SORCS2: variants seen among roughly 807,000 people sequenced by gnomAD.
SORCS2 encodes VPS10 domain-containing receptor SorCS2.
Under a neutral mutation model 141.6 loss-of-function variants are expected in SORCS2, and 100 were observed. The observed-to-expected ratio is 0.71, with a 90% CI of 0.60 to 0.83. The LOEUF is 0.83. SORCS2 is among the 40% of genes least tolerant of loss of function. SORCS2 has a pLI of 0.00. For synonymous variants in SORCS2, 789 were observed against 676.9 expected, an observed-to-expected ratio of 1.17 and a Z score of -2.57; for missense variants, 1,646 against 1,560.2, an observed-to-expected ratio of 1.05 and a Z score of -0.93.
At chr4:7,387,699 C>T (rs889101692) in intron 1 of SORCS2, among the ~76,000 whole-genome samples, 19 of 127,518 alleles carry the variant, frequency 1.5e-4, no homozygotes, top group Middle Eastern at 4.4e-3. Flanking sequence ...GAGATACACA[C>T]GCACATGCAC....
intron 1 of SORCS2, among the ~76,000 whole-genome samples, chr4:7,209,008 T>A (rs1180364097): frequency 1.3e-5 from 2 of 152,164 alleles, no homozygotes; most frequent in Non-Finnish European, 2.9e-5. Flanking sequence ...GGACCACACT[T>A]CTGCCCTCCA....
chr4:7,314,031 A>G (rs1015524673), intron 1 of SORCS2, among the ~76,000 whole-genome samples: 1 of 152,184 alleles, frequency 6.6e-6, no homozygotes, highest in Non-Finnish European at 1.5e-5. Flanking sequence ...TGTCCAGGAA[A>G]CTTCCAGAAA....
At chr4:7,717,561 G>A (rs759530790) in intron 17 of SORCS2, among the ~76,000 whole-genome samples, 6 of 152,188 alleles carry the variant, frequency 3.9e-5, no homozygotes, top group Non-Finnish European at 7.3e-5. Context: ...CAGGAGGAGG[G>A]GTGTGTGTGC....
intron 1 of SORCS2, among the ~76,000 whole-genome samples, chr4:7,372,724 G>C (rs1347396554): frequency 6.6e-6 from 1 of 151,990 alleles, no homozygotes; most frequent in African/African-American, 2.4e-5. Context: ...AAGTTCCCCT[G>C]TGCCCTTTGT....
intron 9 of SORCS2, among the ~76,000 whole-genome samples, chr4:7,681,606 T>C (rs893750925): frequency 9.8e-5 from 15 of 152,358 alleles, no homozygotes; most frequent in African/African-American, 3.4e-4. Flanking sequence ...TACGTGTGTG[T>C]TGTCTGAAGC....
At chr4:7,509,579 A>C (rs79153094) in intron 2 of SORCS2, among the ~76,000 whole-genome samples, 14,660 of 152,186 alleles carry the variant, frequency 0.096, 1,010 homozygotes, top group African/African-American at 0.2. Context: ...CATCATCCCC[A>C]TTTTCCAGAT....
intron 1 of SORCS2, among the ~76,000 whole-genome samples, chr4:7,274,197 C>T (rs1715324290): frequency 6.6e-6 from 1 of 152,240 alleles, no homozygotes; most frequent in Non-Finnish European, 1.5e-5. Flanking sequence ...GACTGGGAAC[C>T]CCTTTCCCCA....
At chr4:7,326,322 G>A (rs536252077) in intron 1 of SORCS2, among the ~76,000 whole-genome samples, 7 of 152,016 alleles carry the variant, frequency 4.6e-5, no homozygotes, top group Non-Finnish European at 8.8e-5. Context: ...GTGTGACCCT[G>A]GCATCGGGTG....
chr4:7,654,934 C>T (rs561972240), intron 5 of SORCS2, among the ~76,000 whole-genome samples: 2 of 152,260 alleles, frequency 1.3e-5, no homozygotes, highest in African/African-American at 4.8e-5. Flanking sequence ...CTCAGTGTGC[C>T]CCCTGAGCAC....
intron 2 of SORCS2, chr4:7,433,774 C>G: frequency 5.0e-6 from 8 of 1,613,482 alleles, no homozygotes; most frequent in Non-Finnish European, 5.9e-6. Context: ...GGCCCGCCTC[C>G]GGTTGCCACA....
At chr4:7,588,806 C>T (rs1340211938) in intron 3 of SORCS2, among the ~76,000 whole-genome samples, 7 of 152,208 alleles carry the variant, frequency 4.6e-5, no homozygotes, top group Admixed American at 1.3e-4. Context: ...AGTGAATGCT[C>T]ACATCATGGT....
intron 8 of SORCS2, 125 bp from the exon 9 acceptor site, chr4:7,675,925 G>A: frequency 8.9e-7 from 1 of 1,120,848 alleles, no homozygotes; most frequent in Non-Finnish European, 1.3e-6. Flanking sequence ...GGCAAACCTA[G>A]GCCAGGCTGG....
chr4:7,425,780 C>T (rs1286560711), intron 2 of SORCS2, among the ~76,000 whole-genome samples: 2 of 152,196 alleles, frequency 1.3e-5, no homozygotes, highest in Non-Finnish European at 2.9e-5. Flanking sequence ...AGCCTGGGGT[C>T]CCCACCTCGC....
chr4:7,605,265 C>T (rs1245244117), intron 3 of SORCS2, among the ~76,000 whole-genome samples: 1 of 152,226 alleles, frequency 6.6e-6, no homozygotes, highest in Non-Finnish European at 1.5e-5. Context: ...GTTTTGAGGA[C>T]ACTTCTCAGG....
At chr4:7,325,867 A>T (rs1719221558) in intron 1 of SORCS2, among the ~76,000 whole-genome samples, 1 of 152,120 alleles carries the variant, frequency 6.6e-6, no homozygotes, top group Non-Finnish European at 1.5e-5. Context: ...AGGCAGTGAT[A>T]ACCCAGCGGG....
At chr4:7,362,525 T>C (rs1721638356) in intron 1 of SORCS2, among the ~76,000 whole-genome samples, 1 of 152,158 alleles carries the variant, frequency 6.6e-6, no homozygotes, top group Non-Finnish European at 1.5e-5. Context: ...CATCTGGCCA[T>C]TGGACCAGTG....
chr4:7,202,713 G>T (rs1727543599), intron 1 of SORCS2, among the ~76,000 whole-genome samples: 1 of 152,138 alleles, frequency 6.6e-6, no homozygotes, highest in Non-Finnish European at 1.5e-5. Flanking sequence ...AATTCAGAAA[G>T]AATTCTTTAT....
chr4:7,466,320 G>A (rs568712636), intron 2 of SORCS2, among the ~76,000 whole-genome samples: 34 of 152,238 alleles, frequency 2.2e-4, no homozygotes, highest in Admixed American at 7.2e-4. Context: ...AGAGGCTGGC[G>A]GGATTCCACG....
At chr4:7,299,452 G>A (rs16839963) in intron 1 of SORCS2, among the ~76,000 whole-genome samples, 102,007 of 152,096 alleles carry the variant, frequency 0.67, 35,223 homozygotes, top group Non-Finnish European at 0.74. Context: ...CATCTCTCGG[G>A]GACCATCTGG....
Sources: allele counts gnomAD v4.1 joint callset (sites outside exome capture counted in the v4.1 genomes callset), GRCh38; gene constraint gnomAD v4.1.1; transcripts MANE v1.5; gene names NCBI Gene and HGNC (gene_info 2026-07-23, HGNC 2026-07-21).